Variants in CPLANE1 observed in about 807,000 individuals in gnomAD.
The protein encoded by CPLANE1 is ciliogenesis and planar polarity effector 1.
In CPLANE1, 263 loss-of-function variants were observed where a neutral mutation model predicts 362.5. That is an observed-to-expected ratio of 0.73 (90% confidence interval 0.66 to 0.80). The LOEUF is 0.80. Ranked by LOEUF, CPLANE1 falls within the 30% of genes least tolerant of loss-of-function variation. The probability of loss-of-function intolerance (pLI) is 0.00; values close to 1 mark genes in which losing one functional copy is unlikely to be tolerated. For missense variants in CPLANE1, 3,461 were observed against 3,793.4 expected, an observed-to-expected ratio of 0.91 and a Z score of 2.30; for synonymous variants, 1,212 against 1,302.6, an observed-to-expected ratio of 0.93 and a Z score of 1.50.
chr5:37,201,520 C>T, intron 19 of CPLANE1, 71 bp downstream of exon 19: 1 of 1,270,508 alleles, frequency 7.9e-7, no homozygotes, highest in Non-Finnish European at 1.1e-6. Flanking sequence ...TGATTATTAT[C>T]AAGTTAATTA....
chr5:37,143,295 T>C (rs1444310928), intron 43 of CPLANE1, among the ~76,000 whole-genome samples: 2 of 151,974 alleles, frequency 1.3e-5, no homozygotes, highest in African/African-American at 2.4e-5. Context: ...CAACCAACCA[T>C]GAAAGACAGT....
intron 35 of CPLANE1, 90 bp downstream of exon 35, chr5:37,166,957 G>C: frequency 9.5e-7 from 1 of 1,047,184 alleles, no homozygotes; most frequent in Non-Finnish European, 1.4e-6. Context: ...GTATAGCCTA[G>C]GAGACTGAAC....
chr5:37,154,477 T>TTTTTTTTTTTTTTTTTTTTTC (rs1774485843), intron 41 of CPLANE1, among the ~76,000 whole-genome samples: 1 of 146,852 alleles, frequency 6.8e-6, no homozygotes, highest in African/African-American at 2.6e-5. Context: ...TTTTTTTTTT[T>TTTTTTTTTTTTTTTTTTTTTC]TTTTTTAAGA....
intron 8 of CPLANE1, 56 bp downstream of exon 8, chr5:37,238,801 G>T: frequency 1.0e-6 from 1 of 959,062 alleles, no homozygotes; most frequent in Non-Finnish European, 1.5e-6. Flanking sequence ...ACCTGACAGA[G>T]ACCCATCTCT....
intron 15 of CPLANE1, among the ~76,000 whole-genome samples, chr5:37,220,417 A>T (rs1166440104): frequency 1.3e-5 from 2 of 152,246 alleles, no homozygotes; most frequent in Admixed American, 1.3e-4. Flanking sequence ...TAAGCATTAT[A>T]AATATATTAC....
intron 41 of CPLANE1, among the ~76,000 whole-genome samples, chr5:37,154,459 C>CT (rs35522666): frequency 0.016 from 1,378 of 84,556 alleles, 66 homozygotes; most frequent in South Asian, 0.024. Context: ...TGCAATAGTT[C>CT]TTTTTTTTTT....
At position 37,201,674 on chromosome 5, in the gene CPLANE1, T is replaced by C. The variant is rs1789222302; in HGVS notation, c.3424A>G (p.Lys1142Glu). 6.2e-7 allele frequency: 1 copy of C among 1,614,084 alleles called. No homozygotes were observed. The highest frequency in any genetic ancestry group is 1.7e-5 in the Admixed American group (1 of 60,016). ...AATGGCACTAAGCCCCACAGTCTTTTACTGAAGTCCTTGGCAGAGTCTATC... is the reference window on the plus strand; with the variant it reads ...AATGGCACTAAGCCCCACAGTCTTTCACTGAAGTCCTTGGCAGAGTCTATC... The part of the protein sequence containing the change: ...LLIDSAKDFS[K>E]RLWGLVPFGL... The change falls in exon 19 of 53, where the codon AAA (lysine) becomes GAA (glutamate). Residue 1142 changes from lysine to glutamate, a missense_variant. By Grantham distance (56) the Lys-to-Glu change is moderately conservative. This residue lies in a region of CPLANE1 where 3,380 missense variants were observed against 3,666.1 expected (regional missense o/e 0.92). Transcript: ENST00000651892.
Position 37,177,602 on chromosome 5 carries a change from A to C in CPLANE1, c.5900+19T>G. The stretch of plus-strand genomic sequence containing the variant: ...GAGGTAACCAGTGACAATCACTGTC[A>C]TACTTTTTTCCCCCTTACCCTTTTT... On this transcript the variant is annotated intron_variant, in intron 30 of 52. Coordinates refer to ENST00000651892, the MANE Select transcript of CPLANE1 (RefSeq NM_001384732.1). 1.3e-6 allele frequency: 2 copies of C among 1,586,048 alleles called. No homozygotes were observed. Among genetic ancestry groups the C allele is most frequent in the Non-Finnish European group, 1.7e-6 (2 of 1,156,016 alleles).
intron 1 of CPLANE1, 88 bp from the exon 2 acceptor site, chr5:37,247,833 T>A: frequency 1.0e-6 from 1 of 988,296 alleles, no homozygotes; most frequent in Non-Finnish European, 1.4e-6. Context: ...AGTTTCGTTC[T>A]GTTGCCCCAG....
At position 37,249,281 on chromosome 5, in the gene CPLANE1, G is replaced by A. The variant is rs1276730262; in HGVS notation, c.-84C>T. 6.6e-6 allele frequency: 1 copy of A among 152,482 alleles called. No homozygotes were observed. Among genetic ancestry groups the A allele is most frequent in the Non-Finnish European group, 1.5e-5 (1 of 68,240 alleles). The allele number at this position is 152,482 out of a possible 1,614,324, so 9.4% of individuals were successfully genotyped here. ...GCAGGGTCCGGCCAGTCAGGCGCGA[G>A]AAGGCTAGGCGAGGCCGACTGCGCG... On this transcript the variant is annotated 5_prime_UTR_variant, in exon 1 of 53. Coordinates refer to ENST00000651892, the MANE Select transcript of CPLANE1 (RefSeq NM_001384732.1).
chr5:37,149,291 C>A (rs192764179), intron 42 of CPLANE1, among the ~76,000 whole-genome samples: 10 of 152,216 alleles, frequency 6.6e-5, no homozygotes, highest in Admixed American at 6.6e-4. Context: ...AGACTCAAGT[C>A]CCTTATATAA....
intron 38 of CPLANE1, among the ~76,000 whole-genome samples, chr5:37,159,326 T>C (rs1776213177): frequency 6.6e-6 from 1 of 150,610 alleles, no homozygotes; most frequent in Non-Finnish European, 1.5e-5. Flanking sequence ...TTAGCCAGGA[T>C]GGTCTCGATC....
Position 37,165,536 on chromosome 5 carries a change from T to C in CPLANE1, c.7533+3A>G, listed in dbSNP as rs1778020446. On this transcript the variant is annotated splice_donor_region_variant and intron_variant, in intron 36 of 52. Transcript: ENST00000651892. ...GGAAGAATCTATAGCAGTTTTTCTA[T>C]ACCTTGGGTTTCTTAATGATTTCTG... is the stretch of plus-strand genomic sequence containing the variant. The C allele has an allele frequency of 6.2e-7, 1 of 1,608,736 alleles. No individual in the cohort carries two copies. Among genetic ancestry groups the C allele is most frequent in the Admixed American group, 1.7e-5 (1 of 58,754 alleles).
At chr5:37,102,592 A>C (rs1038433519), downstream of CPLANE1, among the ~76,000 whole-genome samples, 31 of 152,120 alleles carry the variant, frequency 2.0e-4, no homozygotes, top group African/African-American at 7.2e-4. Context: ...TGTCCCAGAG[A>C]TTCTGGTACA....
At chr5:37,082,325 G>GA in the CPLANE1 span, among the ~76,000 whole-genome samples, 2 of 152,024 alleles carry the variant, frequency 1.3e-5, no homozygotes, top group East Asian at 3.9e-4. Context: ...TTTTCAAATA[G>GA]AAAAAAATCA....
At chr5:37,205,263 T>C (rs920062142) in intron 18 of CPLANE1, 52 bp downstream of exon 18, 58 of 1,354,112 alleles carry the variant, frequency 4.3e-5, no homozygotes, top group Non-Finnish European at 5.1e-5. Flanking sequence ...TTTAAGGTAT[T>C]ATAAGGTTTA....
chr5:37,077,421 C>A, the CPLANE1 span, among the ~76,000 whole-genome samples: 1 of 151,986 alleles, frequency 6.6e-6, no homozygotes, highest in South Asian at 2.1e-4. Context: ...CTGCTTTTGT[C>A]TTCTGTCTTC....
chr5:37,149,736 G>A (rs1561410638), intron 42 of CPLANE1, among the ~76,000 whole-genome samples: 1 of 152,106 alleles, frequency 6.6e-6, no homozygotes, highest in Non-Finnish European at 1.5e-5. Context: ...ATACTGTACA[G>A]AAGGTAACAG....
rs192655359 is a variant in CPLANE1 at position 37,228,078 on chromosome 5, T to G, written c.1122-261A>C. On this transcript the variant is annotated intron_variant, in intron 9 of 52. Coordinates refer to ENST00000651892, the MANE Select transcript of CPLANE1 (RefSeq NM_001384732.1). ...TTTGTATTTATCTACATACAACCTA[T>G]TTCAGAAAATAATTCAGGCAGTTTA... is the stretch of plus-strand genomic sequence containing the variant. Among the ~76,000 whole-genome samples, 7 of 152,224 alleles carry G rather than the reference T, an allele frequency of 4.6e-5. No individual in the cohort carries two copies. The East Asian group carries it at 1.3e-3, about 29-fold the overall frequency.
Sources: gnomAD v4.1 joint callset for allele counts (sites outside exome capture counted in the v4.1 genomes callset) on GRCh38, gnomAD v4.1.1 for gene constraint, gnomAD v4.1.1 regional missense constraint, MANE v1.5 for transcripts, NCBI Gene and HGNC (gene_info 2026-07-23, HGNC 2026-07-21) for gene names.